The following CPEB2 variants were observed in gnomAD, a reference collection of about 807,000 sequenced individuals.
The protein encoded by CPEB2 is cytoplasmic polyadenylation element binding protein 2, also known as cytoplasmic polyadenylation element-binding protein 2.
CPEB2 carries 56 observed loss-of-function variants against 93.6 expected under a neutral mutation model. The observed-to-expected ratio is 0.60, with a 90% CI of 0.48 to 0.75. The LOEUF is 0.75. Among genes scored for constraint, CPEB2 ranks in the 30% least tolerant of loss-of-function variants. CPEB2 has a pLI of 0.00. For synonymous variants in CPEB2, 764 were observed against 586.3 expected, an observed-to-expected ratio of 1.30 and a Z score of -4.38; for missense variants, 1,579 against 1,395.1, an observed-to-expected ratio of 1.13 and a Z score of -2.10.
intron 4 of CPEB2, among the ~76,000 whole-genome samples, chr4:15,019,153 C>T (rs537561953): frequency 1.3e-5 from 2 of 151,098 alleles, no homozygotes; most frequent in South Asian, 2.1e-4. Flanking sequence ...AATATTTTAT[C>T]TTCCACGTGT....
intron 8 of CPEB2, among the ~76,000 whole-genome samples, chr4:15,056,217 A>G (rs1477102033): frequency 6.6e-6 from 1 of 152,188 alleles, no homozygotes; most frequent in Non-Finnish European, 1.5e-5. Flanking sequence ...GATGGGGGAA[A>G]GCTTCACTGA....
rs1577343709 is a variant in CPEB2, at chr4:15,002,963, T to C, written c.290T>C (p.Leu97Pro). 1.3e-6 allele frequency: 2 copies of C among 1,511,068 alleles called. No homozygotes were observed. Among genetic ancestry groups the C allele is most frequent in the African/African-American group, 2.8e-5 (2 of 70,244 alleles). 93.6% of individuals were successfully genotyped at this position (1,511,068 alleles called of 1,614,324 possible). A position where few individuals can be genotyped will look rare whatever the true frequency, so the allele number is the denominator to read the frequency against. ...CATCAGCAGACCATGCAGGATGAGCTGCTTCTGGGGCTGACACAGCAGCCG... is the reference window on the plus strand; with the variant it reads ...CATCAGCAGACCATGCAGGATGAGCCGCTTCTGGGGCTGACACAGCAGCCG... ...LAHQQTMQDE[L>P]LLGLTQQPAR... is the part of the protein sequence containing the mutation. Residue 97 changes from leucine (L) to proline (P), a missense_variant, in exon 1 of 12, where the codon CTG (leucine) becomes CCG (proline). By Grantham distance (98) the Leu-to-Pro change is moderately conservative. Transcript: ENST00000538197.
rs1170121951 is a variant in CPEB2, at chr4:15,003,534, C to G, written c.861C>G (p.Ala287=). ...GGAGSPRKTP[A]AGEGSAAESP... ...CGGGCAGCCCTCGCAAGACCCCAGC[C>G]GCGGGCGAGGGCAGCGCCGCCGAGT... The change falls in exon 1 of 12, where the codon GCC becomes GCG. Residue 287 remains alanine (A), a synonymous_variant. Transcript: ENST00000538197. 2 of 1,450,046 alleles carry G rather than the reference C, an allele frequency of 1.4e-6. No homozygotes were observed. Among genetic ancestry groups the G allele is most frequent in the Non-Finnish European group, 1.8e-6 (2 of 1,103,472 alleles). 89.8% of individuals were successfully genotyped at this position (1,450,046 alleles called of 1,614,324 possible). A position where few individuals can be genotyped will look rare whatever the true frequency, so the allele number is the denominator to read the frequency against.
At chr4:15,043,717 A>G (rs1400544997) in intron 6 of CPEB2, among the ~76,000 whole-genome samples, 1 of 152,120 alleles carries the variant, frequency 6.6e-6, no homozygotes, top group Non-Finnish European at 1.5e-5. Flanking sequence ...TATTTTTAGT[A>G]ATATAAATAA....
intron 5 of CPEB2, among the ~76,000 whole-genome samples, chr4:15,037,305 C>T (rs370825693): frequency 6.0e-5 from 9 of 150,502 alleles, no homozygotes; most frequent in South Asian, 2.1e-4. Flanking sequence ...AGCAAGACTC[C>T]GCCTCAAAAA....
chr4:15,010,342 C>T (rs547617026), intron 3 of CPEB2, among the ~76,000 whole-genome samples: 1 of 152,184 alleles, frequency 6.6e-6, no homozygotes, highest in East Asian at 1.9e-4. Flanking sequence ...GCCCCACCCC[C>T]CTTGCCTCTA....
intron 4 of CPEB2, among the ~76,000 whole-genome samples, chr4:15,032,847 G>C (rs933619916): frequency 2.0e-5 from 3 of 152,018 alleles, no homozygotes; most frequent in African/African-American, 7.2e-5. Flanking sequence ...AAATTTGCAA[G>C]ACTAGGATAT....
At chr4:15,022,863 G>T (rs1000686981) in intron 4 of CPEB2, among the ~76,000 whole-genome samples, 3 of 151,934 alleles carry the variant, frequency 2.0e-5, no homozygotes, top group African/African-American at 7.2e-5. Flanking sequence ...TAAAAATGTG[G>T]TTGTGAAAGT....
intron 3 of CPEB2, among the ~76,000 whole-genome samples, chr4:15,011,777 A>G (rs1293451539): frequency 6.6e-6 from 1 of 152,242 alleles, no homozygotes; most frequent in Non-Finnish European, 1.5e-5. Context: ...CACTGTAAAC[A>G]AAGTAATGTC....
In CPEB2 at chr4:15,062,102, C is replaced by T. The variant is rs780059819; in HGVS notation, c.2719C>T (p.Arg907Trp). ...AGTGGAACTTGCTATGATCATGGACCGGCTGTATGGTGGAGTTTGTTATGC... is the reference window on the plus strand; with the variant it reads ...AGTGGAACTTGCTATGATCATGGACTGGCTGTATGGTGGAGTTTGTTATGC... ...RAVELAMIMD[R>W]LYGGVCYAGI... Residue 907 changes from arginine to tryptophan, a missense_variant, in exon 11 of 12, where the codon CGG (arginine) becomes TGG (tryptophan). Arg to Trp is a moderately radical substitution (Grantham distance 101, BLOSUM62 -3). Transcript: ENST00000538197. 2.2e-5 allele frequency: 35 copies of T among 1,606,932 alleles called. No homozygotes were observed. The highest frequency in any genetic ancestry group is 6.7e-5 in the African/African-American group (5 of 74,604).
chr4:15,035,711 G>C (rs890026049), intron 5 of CPEB2, among the ~76,000 whole-genome samples: 8 of 152,170 alleles, frequency 5.3e-5, no homozygotes, highest in African/African-American at 1.9e-4. Context: ...TTGGGACAAA[G>C]TTTAGGTAAA....
At chr4:15,013,300 T>C (rs1245357689) in intron 3 of CPEB2, among the ~76,000 whole-genome samples, 2 of 152,044 alleles carry the variant, frequency 1.3e-5, no homozygotes, top group Non-Finnish European at 2.9e-5. Flanking sequence ...ATTTAGTTGA[T>C]TGTTTGCCAG....
chr4:15,011,210 C>T (rs2108966531), intron 3 of CPEB2, among the ~76,000 whole-genome samples: 1 of 150,710 alleles, frequency 6.6e-6, no homozygotes, highest in South Asian at 2.1e-4. Context: ...AAGCGATTCT[C>T]ATGCCTCAGC....
At chr4:15,045,241 A>T (rs1430992486) in intron 6 of CPEB2, among the ~76,000 whole-genome samples, 1 of 152,148 alleles carries the variant, frequency 6.6e-6, no homozygotes. Context: ...AGCCTGGGTT[A>T]TAATTAATCT....
chr4:15,059,025 T>C (rs1240932958), intron 9 of CPEB2, among the ~76,000 whole-genome samples, 162 bp from the exon 10 acceptor site: 2 of 152,196 alleles, frequency 1.3e-5, no homozygotes, highest in African/African-American at 4.8e-5. Context: ...TGCGGATTTA[T>C]AGTATCTAGA....
intron 6 of CPEB2, among the ~76,000 whole-genome samples, chr4:15,047,832 C>T (rs1335709117): frequency 1.3e-5 from 2 of 151,472 alleles, no homozygotes; most frequent in South Asian, 2.1e-4. Flanking sequence ...TTTATTATTA[C>T]AGACTTTCAC....
chr4:15,052,143 TC>T (rs1233747198), intron 6 of CPEB2, among the ~76,000 whole-genome samples: 1 of 152,154 alleles, frequency 6.6e-6, no homozygotes, highest in East Asian at 1.9e-4. Flanking sequence ...TATAACAAGT[TC>T]TTGCTCATAA....
intron 4 of CPEB2, among the ~76,000 whole-genome samples, chr4:15,018,981 C>T (rs1411727458): frequency 2.1e-5 from 3 of 144,576 alleles, no homozygotes; most frequent in Non-Finnish European, 4.6e-5. Flanking sequence ...CACACGCACA[C>T]ACACACGCAT....
intron 8 of CPEB2, among the ~76,000 whole-genome samples, chr4:15,056,004 C>T (rs1728682770): frequency 6.6e-6 from 1 of 152,186 alleles, no homozygotes; most frequent in African/African-American, 2.4e-5. Flanking sequence ...ACTCCTAGCA[C>T]TCATCACAGT....
Sources: gnomAD v4.1 joint callset for allele counts (sites outside exome capture counted in the v4.1 genomes callset) on GRCh38, gnomAD v4.1.1 for gene constraint, MANE v1.5 for transcripts, NCBI Gene and HGNC (gene_info 2026-07-23, HGNC 2026-07-21) for gene names.